Variants in PAPPA2 observed in about 807,000 individuals in gnomAD.
PAPPA2 encodes pappalysin 2.
PAPPA2 carries 86 observed loss-of-function variants against 176.4 expected under a neutral mutation model. The ratio of observed to expected loss-of-function variants is 0.49; its 90% CI spans 0.41 to 0.58. The LOEUF (loss-of-function observed/expected upper bound fraction) is 0.58, where lower values mean the gene tolerates loss of function less well. PAPPA2 is among the 20% of genes least tolerant of loss of function. PAPPA2 has a pLI of 0.00. For synonymous variants in PAPPA2, 809 were observed against 852.2 expected (o/e 0.95, Z 0.88); for missense variants, 2,073 against 2,256.9 (o/e 0.92, Z 1.65).
At chr1:176,712,212 G>C (rs1364914858) in intron 12 of PAPPA2, among the ~76,000 whole-genome samples, 1 of 152,086 alleles carries the variant, frequency 6.6e-6, no homozygotes, top group East Asian at 1.9e-4. Context: ...ACACGGAAAA[G>C]TGCAAAAATC....
chr1:176,628,335 T>G lies in PAPPA2; in HGVS notation c.1991+32740T>G, dbSNP rs528708701. Among the ~76,000 whole-genome samples, 3 of 152,314 alleles carry G rather than the reference T, an allele frequency of 2.0e-5. No individual in the cohort carries two copies. In the South Asian group the frequency reaches 6.2e-4, roughly 32 times the overall value. On this transcript the variant is annotated intron_variant, in intron 3 of 22. Transcript: ENST00000367662. ...GCCAAATTCAGAGCTATGTTTAGACTGGGACATAGTAGGCTCTCAATAGAT... is the reference window on the plus strand; with the variant it reads ...GCCAAATTCAGAGCTATGTTTAGACGGGGACATAGTAGGCTCTCAATAGAT...
chr1:176,536,378 A>G (rs1650067994), intron 1 of PAPPA2, among the ~76,000 whole-genome samples: 2 of 152,166 alleles, frequency 1.3e-5, no homozygotes, highest in African/African-American at 4.8e-5. Context: ...TGTTGCCACA[A>G]TCATGCTACA....
chr1:176,547,899 T>C (rs1650727851), intron 1 of PAPPA2, among the ~76,000 whole-genome samples: 1 of 152,224 alleles, frequency 6.6e-6, no homozygotes, highest in Admixed American at 6.5e-5. Context: ...TCCAGGATTT[T>C]TTAAAAAATG....
At chr1:176,540,799 G>T (rs75790903) in intron 1 of PAPPA2, among the ~76,000 whole-genome samples, 4,735 of 152,180 alleles carry the variant, frequency 0.031, 231 homozygotes, top group African/African-American at 0.1. Flanking sequence ...ACACCCCCCA[G>T]CAGAGTGCAT....
chr1:176,796,993 C>A (rs1366700626), intron 20 of PAPPA2, among the ~76,000 whole-genome samples: 1 of 151,996 alleles, frequency 6.6e-6, no homozygotes, highest in South Asian at 2.1e-4. Context: ...AATTTTTAAA[C>A]TAATTTTCTC....
At chr1:176,654,472 A>G (rs1433013261) in intron 3 of PAPPA2, among the ~76,000 whole-genome samples, 1 of 149,106 alleles carries the variant, frequency 6.7e-6, no homozygotes, top group Non-Finnish European at 1.5e-5. Context: ...ATATTTATAT[A>G]TTTTGGTTAC....
At chr1:176,787,065 C>T (rs1417046312) in intron 17 of PAPPA2, among the ~76,000 whole-genome samples, 1 of 152,006 alleles carries the variant, frequency 6.6e-6, no homozygotes, top group African/African-American at 2.4e-5. Context: ...ACATGTACCC[C>T]TGAACCTGAA....
At position 176,471,630 on chromosome 1, in the gene PAPPA2, C is replaced by T. The variant is rs76582793; in HGVS notation, c.-917+8212C>T. 7.7e-3 allele frequency among the ~76,000 whole-genome samples: 1,171 copies of T among 152,262 alleles called. 8 individuals are homozygous for T. Among genetic ancestry groups the T allele is most frequent in the African/African-American group, 0.027 (1,109 of 41,538 alleles). On this transcript the variant is annotated intron_variant, in intron 1 of 22. Coordinates refer to ENST00000367662, the MANE Select transcript of PAPPA2 (RefSeq NM_020318.3). ...CATGAAAGTAATATACTGACTTCCA[C>T]AAAAATCACTTTTCTTTCACCACAA...
chr1:176,736,620 G>T (rs964697712), intron 12 of PAPPA2, among the ~76,000 whole-genome samples: 16 of 148,300 alleles, frequency 1.1e-4, no homozygotes, highest in African/African-American at 3.9e-4. Context: ...TTACTTGGTT[G>T]TGGAAAGAGC....
intron 3 of PAPPA2, among the ~76,000 whole-genome samples, chr1:176,640,462 G>C (rs968057106): frequency 6.6e-6 from 1 of 150,878 alleles, no homozygotes; most frequent in Non-Finnish European, 1.5e-5. Flanking sequence ...TCGTTCTTGC[G>C]ATAGTTTACT....
intron 2 of PAPPA2, among the ~76,000 whole-genome samples, chr1:176,582,034 C>T (rs1653010296): frequency 6.6e-6 from 1 of 150,752 alleles, no homozygotes; most frequent in South Asian, 2.1e-4. Context: ...CGCCATTCTC[C>T]TACCTCAGCC....
chr1:176,814,144 G>A (rs776423318), intron 21 of PAPPA2, among the ~76,000 whole-genome samples: 20 of 152,064 alleles, frequency 1.3e-4, no homozygotes, highest in Non-Finnish European at 2.6e-4. Context: ...TAGACAATGT[G>A]TCTGTTCTTG....
At chr1:176,535,658 G>T (rs530386425) in intron 1 of PAPPA2, among the ~76,000 whole-genome samples, 108 of 152,302 alleles carry the variant, frequency 7.1e-4, no homozygotes, top group African/African-American at 2.5e-3. Flanking sequence ...TAGCAGCTAT[G>T]AGAATGGGAT....
At chr1:176,537,830 T>C (rs1002679966) in intron 1 of PAPPA2, among the ~76,000 whole-genome samples, 15 of 151,898 alleles carry the variant, frequency 9.9e-5, no homozygotes, top group African/African-American at 3.4e-4. Context: ...GTCATCTTGA[T>C]CTTTCTGCCT....
chr1:176,749,556 C>G (rs935309693), intron 14 of PAPPA2, among the ~76,000 whole-genome samples: 4 of 152,310 alleles, frequency 2.6e-5, no homozygotes, highest in Admixed American at 2.0e-4. Context: ...GTATCACACA[C>G]AGCATTGTCA....
chr1:176,530,970 A>G (rs1349629897), intron 1 of PAPPA2, among the ~76,000 whole-genome samples: 1 of 152,200 alleles, frequency 6.6e-6, no homozygotes, highest in Non-Finnish European at 1.5e-5. Flanking sequence ...AATCAATTCT[A>G]TGACCACATG....
chr1:176,754,690 A>G (rs1663335672), intron 14 of PAPPA2, among the ~76,000 whole-genome samples: 1 of 152,216 alleles, frequency 6.6e-6, no homozygotes, highest in Non-Finnish European at 1.5e-5. Flanking sequence ...CTACTTCCCA[A>G]TTTTGCTCAG....
chr1:176,699,551 CGTG>C lies in PAPPA2; in HGVS notation c.3205_3207del (p.Val1069del). The C allele has an allele frequency of 6.2e-7, 1 of 1,609,762 alleles. No individual in the cohort carries two copies. Among genetic ancestry groups the C allele is most frequent in the Non-Finnish European group, 8.5e-7 (1 of 1,176,542 alleles). On this transcript the variant is annotated inframe_deletion, in exon 8 of 23. Transcript: ENST00000367662. ...ATCCCCCATTTGCCAGTGGTTTGCC[CGTG>C]GTGGTGACACATTCTCACAGGAAGT...
chr1:176,695,936 G>GCCTGTAGTCCCAGCT, intron 7 of PAPPA2, 77 bp downstream of exon 7: 1 of 1,563,654 alleles, frequency 6.4e-7, no homozygotes, highest in South Asian at 1.2e-5. Flanking sequence ...GTGGAGTAGT[G>GCCTGTAGTCCCAGCT]ACATGGTGAC....
Sources: gnomAD v4.1 joint callset for allele counts (sites outside exome capture counted in the v4.1 genomes callset) on GRCh38, gnomAD v4.1.1 for gene constraint, MANE v1.5 for transcripts, NCBI Gene and HGNC (gene_info 2026-07-23, HGNC 2026-07-21) for gene names.